Variants in LY86 observed in about 807,000 individuals in gnomAD.
LY86 encodes MD-1, RP105-associated.
LY86 carries 20 observed loss-of-function variants against 17.3 expected under a neutral mutation model. The observed-to-expected ratio is 1.15, with a 90% confidence interval of 0.81 to 1.68. The LOEUF (loss-of-function observed/expected upper bound fraction) is 1.68, where lower values mean the gene tolerates loss of function less well. Among genes scored for constraint, LY86 ranks in the 40% most tolerant of loss-of-function variants. LY86 has a pLI of 0.00. For synonymous variants in LY86, 74 were observed against 70.6 expected, an observed-to-expected ratio of 1.05 and a Z score of -0.24; for missense variants, 200 against 191.9, an observed-to-expected ratio of 1.04 and a Z score of -0.25.
At chr6:6,599,588 G>A (rs2113085664) in intron 1 of LY86, among the ~76,000 whole-genome samples, 1 of 152,336 alleles carries the variant, frequency 6.6e-6, no homozygotes, top group East Asian at 1.9e-4. Context: ...TTGGGTTGCA[G>A]AGAGCTGTCA....
At chr6:6,617,738 G>A (rs1761587312) in intron 1 of LY86, among the ~76,000 whole-genome samples, 1 of 152,146 alleles carries the variant, frequency 6.6e-6, no homozygotes. Flanking sequence ...TCACCTTCAT[G>A]TTAGGATCCT....
intron 3 of LY86, among the ~76,000 whole-genome samples, chr6:6,632,421 G>A: frequency 6.6e-6 from 1 of 152,188 alleles, no homozygotes; most frequent in East Asian, 1.9e-4. Flanking sequence ...GATATGTGAT[G>A]TGTCTGACGC....
intron 1 of LY86, among the ~76,000 whole-genome samples, chr6:6,592,969 G>A (rs1760579919): frequency 6.6e-6 from 1 of 152,220 alleles, no homozygotes. Context: ...CTTAGAATCT[G>A]GAGTCAGCAA....
intron 3 of LY86, among the ~76,000 whole-genome samples, chr6:6,640,853 T>G (rs1253819201): frequency 6.6e-6 from 1 of 152,210 alleles, no homozygotes; most frequent in Non-Finnish European, 1.5e-5. Flanking sequence ...AATGATTCAT[T>G]ACAAGTACAC....
rs1207511602 is a variant in LY86, at chr6:6,603,603, C to CAAAAAAAAAAAAAA, written c.136+14734_136+14735insAAAAAAAAAAAAAA. 1.5e-3 allele frequency among the ~76,000 whole-genome samples: 107 copies of CAAAAAAAAAAAAAA among 70,378 alleles called. 1 individual carries two copies. The highest frequency in any genetic ancestry group is 2.6e-3 in the Non-Finnish European group (82 of 31,090). The allele number at this position is 70,378 out of a possible 152,430, so 46.2% of individuals were successfully genotyped here. A position where few individuals can be genotyped will look rare whatever the true frequency, so the allele number is the denominator to read the frequency against. On this transcript the variant is annotated intron_variant, in intron 1 of 4. Transcript: ENST00000230568. ...CCAAAGCCAAAAACAAAAACAGAAA[C>CAAAAAAAAAAAAAA]AGAAAAAAAAACAAACAAAAAAAAA...
chr6:6,613,337 C>A (rs111482358), intron 1 of LY86, among the ~76,000 whole-genome samples: 1 of 152,136 alleles, frequency 6.6e-6, no homozygotes, highest in African/African-American at 2.4e-5. Context: ...TGGCGCTGCT[C>A]GTCGGGGAGG....
intron 1 of LY86, chr6:6,591,518 A>C (rs1336951272): frequency 6.5e-6 from 1 of 153,780 alleles, no homozygotes; most frequent in East Asian, 1.9e-4. Flanking sequence ...GTTGAGGCTT[A>C]AAGACTGATG....
chr6:6,623,275 G>T (rs1460159231), intron 1 of LY86, among the ~76,000 whole-genome samples: 1 of 152,208 alleles, frequency 6.6e-6, no homozygotes, highest in East Asian at 1.9e-4. Flanking sequence ...ACCCTGTGGA[G>T]CTGAGACACA....
intron 1 of LY86, among the ~76,000 whole-genome samples, chr6:6,612,099 G>C (rs1054847543): frequency 6.6e-6 from 1 of 152,164 alleles, no homozygotes; most frequent in Non-Finnish European, 1.5e-5. Flanking sequence ...AGATCCAAAA[G>C]CAAGCTGATT....
chr6:6,650,164 C>T (rs1478504111), intron 4 of LY86, among the ~76,000 whole-genome samples: 1 of 152,156 alleles, frequency 6.6e-6, no homozygotes, highest in African/African-American at 2.4e-5. Flanking sequence ...TCATAAGCTG[C>T]CACTAAGTCA....
intron 1 of LY86, among the ~76,000 whole-genome samples, chr6:6,622,153 C>G (rs1006872725): frequency 2.6e-5 from 4 of 152,204 alleles, no homozygotes; most frequent in African/African-American, 9.7e-5. Flanking sequence ...CAGCCTACAG[C>G]TTTCTTTGTG....
At chr6:6,605,454 C>T (rs759756241) in intron 1 of LY86, among the ~76,000 whole-genome samples, 3 of 152,240 alleles carry the variant, frequency 2.0e-5, no homozygotes, top group African/African-American at 7.2e-5. Flanking sequence ...ACTCACAGGG[C>T]TGTTACTGGA....
At chr6:6,593,734 G>C (rs1373751958) in intron 1 of LY86, among the ~76,000 whole-genome samples, 1 of 152,190 alleles carries the variant, frequency 6.6e-6, no homozygotes, top group Non-Finnish European at 1.5e-5. Flanking sequence ...CTGATATAGG[G>C]ATGAGCGATG....
chr6:6,637,617 C>G (rs1028479604), intron 3 of LY86, among the ~76,000 whole-genome samples: 1 of 152,186 alleles, frequency 6.6e-6, no homozygotes, highest in Non-Finnish European at 1.5e-5. Context: ...ACGACTCCCC[C>G]ACATCACCCA....
intron 3 of LY86, among the ~76,000 whole-genome samples, chr6:6,633,254 G>T (rs992842147): frequency 1.4e-4 from 21 of 152,234 alleles, no homozygotes; most frequent in African/African-American, 5.1e-4. Context: ...GGACTGTCAA[G>T]AATATATTGT....
chr6:6,603,551 A>T (rs1760981036), intron 1 of LY86, among the ~76,000 whole-genome samples: 1 of 149,592 alleles, frequency 6.7e-6, no homozygotes. Flanking sequence ...CAACAAAATG[A>T]TGAGGTCTCC....
intron 1 of LY86, among the ~76,000 whole-genome samples, chr6:6,605,831 C>T (rs1761110410): frequency 6.6e-6 from 1 of 151,868 alleles, no homozygotes; most frequent in African/African-American, 2.4e-5. Context: ...GCTGACTTTC[C>T]CGGTGAATGT....
At chr6:6,641,558 CA>C (rs1388075839) in intron 3 of LY86, among the ~76,000 whole-genome samples, 1 of 152,164 alleles carries the variant, frequency 6.6e-6, no homozygotes, top group Non-Finnish European at 1.5e-5. Flanking sequence ...AGAGATAATC[CA>C]GGGCATGAAA....
At chr6:6,600,504 C>T (rs540967250) in intron 1 of LY86, among the ~76,000 whole-genome samples, 11 of 143,948 alleles carry the variant, frequency 7.6e-5, no homozygotes, top group African/African-American at 2.3e-4. Context: ...GCAGGGGAAT[C>T]GCTTGAACCC....
Sources: allele counts gnomAD v4.1 joint callset (sites outside exome capture counted in the v4.1 genomes callset), GRCh38; gene constraint gnomAD v4.1.1; transcripts MANE v1.5; gene names NCBI Gene and HGNC (gene_info 2026-07-23, HGNC 2026-07-21).